The following SERINC1 variants were observed in gnomAD, a reference collection of about 807,000 sequenced individuals.
SERINC1 encodes the protein serine incorporator 1.
SERINC1 carries 38 observed loss-of-function variants against 52.9 expected under a neutral mutation model. The ratio of observed to expected loss-of-function variants is 0.72; its 90% CI spans 0.55 to 0.94. The LOEUF (loss-of-function observed/expected upper bound fraction) is 0.94. Ranked by LOEUF, SERINC1 falls within the 40% of genes least tolerant of loss-of-function variation. SERINC1 has a pLI of 0.00. For synonymous variants in SERINC1, 198 were observed against 183.1 expected (o/e 1.08, Z -0.66); for missense variants, 471 against 533.9 (o/e 0.88, Z 1.16).
intron 1 of SERINC1, among the ~76,000 whole-genome samples, chr6:122,460,663 C>T (rs565602487): frequency 6.6e-6 from 1 of 152,082 alleles, no homozygotes; most frequent in East Asian, 1.9e-4. Context: ...CAGCGCTGAT[C>T]AAGGAAAAAT....
intron 1 of SERINC1, among the ~76,000 whole-genome samples, chr6:122,468,684 G>A (rs1398356626): frequency 6.6e-6 from 1 of 152,158 alleles, no homozygotes; most frequent in African/African-American, 2.4e-5. Flanking sequence ...CATTGAGAGA[G>A]AAGGAAGATT....
intron 1 of SERINC1, among the ~76,000 whole-genome samples, chr6:122,469,374 G>GT (rs1562218399): frequency 2.9e-5 from 4 of 140,044 alleles, no homozygotes; most frequent in African/African-American, 1.0e-4. Context: ...TCTGTTTTTT[G>GT]TTTTTGTTTT....
At chr6:122,452,680 T>A (rs1774932707) in intron 5 of SERINC1, among the ~76,000 whole-genome samples, 1 of 152,152 alleles carries the variant, frequency 6.6e-6, no homozygotes, top group South Asian at 2.1e-4. Flanking sequence ...TGACAGGGGA[T>A]CCATCCAACA....
chr6:122,450,553 T>C (rs1351041386), intron 7 of SERINC1, among the ~76,000 whole-genome samples: 1 of 152,230 alleles, frequency 6.6e-6, no homozygotes, highest in Non-Finnish European at 1.5e-5. Context: ...GAAATATATT[T>C]TGTAAGGCTA....
intron 1 of SERINC1, among the ~76,000 whole-genome samples, chr6:122,463,288 CAT>C (rs2114488527): frequency 6.6e-6 from 1 of 152,082 alleles, no homozygotes; most frequent in South Asian, 2.1e-4. Flanking sequence ...ATAATCAAAC[CAT>C]ATATGAGAAT....
intron 9 of SERINC1, among the ~76,000 whole-genome samples, chr6:122,445,898 AAAG>A (rs1774788316): frequency 6.7e-6 from 1 of 149,562 alleles, no homozygotes; most frequent in African/African-American, 2.4e-5. Flanking sequence ...AAAAAAAAAA[AAAG>A]AACCAGCTGG....
chr6:122,456,864 C>T (rs1019991380), intron 2 of SERINC1, among the ~76,000 whole-genome samples: 4 of 152,126 alleles, frequency 2.6e-5, no homozygotes, highest in African/African-American at 9.7e-5. Context: ...TCATAAACTA[C>T]AATACCAACT....
chr6:122,453,760 G>T lies in SERINC1; in HGVS notation c.589+10C>A. On this transcript the variant is annotated intron_variant, in intron 5 of 9. Transcript: ENST00000339697. ...AACTATACTGAAGTTGTTCTGCGAC[G>T]AAAGCTTACCTGCATACCAACATCT... 1 of 1,586,138 alleles carries T rather than the reference G, an allele frequency of 6.3e-7. No individual in the cohort carries two copies. The highest frequency in any genetic ancestry group is 8.6e-7 in the Non-Finnish European group (1 of 1,161,744).
At chr6:122,463,903 C>T (rs959653480) in intron 1 of SERINC1, among the ~76,000 whole-genome samples, 2 of 152,230 alleles carry the variant, frequency 1.3e-5, no homozygotes, top group Admixed American at 6.5e-5. Flanking sequence ...GATGGGAATG[C>T]TTATAGCTAC....
At chr6:122,458,722 G>A in intron 1 of SERINC1, 41 bp from the exon 2 acceptor site, 1 of 1,338,292 alleles carries the variant, frequency 7.5e-7, no homozygotes, top group Non-Finnish European at 1.0e-6. Flanking sequence ...TTAAGAATCA[G>A]TAAATCACTA....
chr6:122,450,252 C>T (rs1189119928), intron 7 of SERINC1, among the ~76,000 whole-genome samples: 1 of 152,066 alleles, frequency 6.6e-6, no homozygotes, highest in Non-Finnish European at 1.5e-5. Flanking sequence ...AATCCTAGGG[C>T]CCTTAAGAAT....
At chr6:122,452,726 G>A (rs1562214008) in intron 5 of SERINC1, among the ~76,000 whole-genome samples, 1 of 152,144 alleles carries the variant, frequency 6.6e-6, no homozygotes, top group Non-Finnish European at 1.5e-5. Flanking sequence ...AGGCCCTGGG[G>A]ATACAGCAGG....
intron 1 of SERINC1, among the ~76,000 whole-genome samples, chr6:122,459,107 G>GA (rs1034781871): frequency 7.2e-5 from 11 of 151,730 alleles, no homozygotes; most frequent in African/African-American, 2.7e-4. Flanking sequence ...TCCAGGGAGG[G>GA]AAAAAAAAGT....
chr6:122,455,585 C>G (rs1458367970), intron 3 of SERINC1, among the ~76,000 whole-genome samples: 3 of 152,082 alleles, frequency 2.0e-5, no homozygotes, highest in African/African-American at 7.2e-5. Context: ...TGAGATAATA[C>G]TTAATAAACT....
At chr6:122,460,715 A>C (rs527963955) in intron 1 of SERINC1, among the ~76,000 whole-genome samples, 4 of 152,220 alleles carry the variant, frequency 2.6e-5, no homozygotes, top group African/African-American at 4.8e-5. Flanking sequence ...GCATGCAAAA[A>C]CCAGAAAAAT....
chr6:122,468,309 C>T (rs977128362), intron 1 of SERINC1, among the ~76,000 whole-genome samples: 3 of 152,134 alleles, frequency 2.0e-5, no homozygotes, highest in African/African-American at 7.2e-5. Flanking sequence ...TTGTTGGGGG[C>T]TATCCTATAC....
chr6:122,447,018 A>G lies in SERINC1; in HGVS notation c.996-14T>C, dbSNP rs778315541. 6.3e-7 allele frequency: 1 copy of G among 1,589,048 alleles called. No individual in the cohort carries two copies. The highest frequency in any genetic ancestry group is 8.6e-7 in the Non-Finnish European group (1 of 1,157,948). On this transcript the variant is annotated splice_polypyrimidine_tract_variant and intron_variant, in intron 8 of 9. Transcript: ENST00000339697. Reference sequence around the variant, plus strand: ...GAAGTACGGATGCTGTATGAAAGAGAGTTTAGGAGGAGAGAAAAAAAAGAA... The same window carrying G: ...GAAGTACGGATGCTGTATGAAAGAGGGTTTAGGAGGAGAGAAAAAAAAGAA...
chr6:122,447,037 AAAAG>A (rs1774819165), intron 8 of SERINC1, 33 bp from the exon 9 acceptor site: 3 of 1,582,142 alleles, frequency 1.9e-6, no homozygotes, highest in East Asian at 2.2e-5. Flanking sequence ...GGAGAGAAAA[AAAAG>A]AACATTTTTA....
chr6:122,444,966 CACA>C lies in SERINC1; in HGVS notation c.*75_*77del. 7.7e-6 allele frequency: 11 copies of C among 1,432,844 alleles called. No homozygotes were observed. The South Asian group carries it at 1.3e-4, about 17-fold the overall frequency. 88.8% of individuals were successfully genotyped at this position (1,432,844 alleles called of 1,614,324 possible). A position where few individuals can be genotyped will look rare whatever the true frequency, so the allele number is the denominator to read the frequency against. On this transcript the variant is annotated 3_prime_UTR_variant, in exon 10 of 10. Coordinates refer to ENST00000339697, the MANE Select transcript of SERINC1 (RefSeq NM_020755.4). ...AAGTTACATGGGAAGCAAAAACATA[CACA>C]ACTTTACAAAAGTTGGGAATACTGT...
Sources: allele counts gnomAD v4.1 joint callset (sites outside exome capture counted in the v4.1 genomes callset), GRCh38; gene constraint gnomAD v4.1.1; transcripts MANE v1.5; gene names NCBI Gene and HGNC (gene_info 2026-07-23, HGNC 2026-07-21).